The following CEBPZ variants were observed in gnomAD, a reference collection of about 807,000 sequenced individuals.
CEBPZ encodes the protein CCAAT enhancer binding protein zeta, also known as CCAAT/enhancer-binding protein zeta.
Under a neutral mutation model 104.5 loss-of-function variants are expected in CEBPZ, and 78 were observed. The observed-to-expected ratio is 0.75, with a 90% CI of 0.62 to 0.90. The LOEUF (loss-of-function observed/expected upper bound fraction) is 0.90. CEBPZ is among the 40% of genes least tolerant of loss of function. CEBPZ has a pLI of 0.00. For missense variants in CEBPZ, 1,439 were observed against 1,233.5 expected, an observed-to-expected ratio of 1.17 and a Z score of -2.50; for synonymous variants, 470 against 427.0, an observed-to-expected ratio of 1.10 and a Z score of -1.24.
chr2:37,218,459 T>G (rs536213421), intron 5 of CEBPZ, among the ~76,000 whole-genome samples: 38 of 152,316 alleles, frequency 2.5e-4, no homozygotes, highest in African/African-American at 9.1e-4. Flanking sequence ...AAATAGTCTT[T>G]CACATAGCTG....
rs137992964 is a variant in CEBPZ, at chr2:37,218,824, A to G, written c.2154+1561T>C. Reference sequence around the variant, plus strand: ...GAGGTAGAGGTTGCAGTGAGCCGAGATCGCGCCACTGCATTCCAGTATGGG... The same window carrying G: ...GAGGTAGAGGTTGCAGTGAGCCGAGGTCGCGCCACTGCATTCCAGTATGGG... On this transcript the variant is annotated intron_variant, in intron 5 of 15. Transcript: ENST00000234170. Among the ~76,000 whole-genome samples, 326 of 152,344 alleles carry G rather than the reference A, an allele frequency of 2.1e-3. 2 individuals are homozygous for G. The highest frequency in any genetic ancestry group is 0.014 in the Middle Eastern group (4 of 292).
At chr2:37,211,328 A>G in intron 12 of CEBPZ, 1 of 337,900 alleles carries the variant, frequency 3.0e-6, no homozygotes, top group Non-Finnish European at 5.3e-6. Flanking sequence ...AAGACCAAAT[A>G]ATATAAAACC....
At chr2:37,231,363 T>C (rs751609808) in intron 1 of CEBPZ, 49 bp downstream of exon 1, 9 of 1,611,070 alleles carry the variant, frequency 5.6e-6, no homozygotes, top group Non-Finnish European at 7.6e-6. Context: ...CTAGCCACCT[T>C]CGGAACTCTC....
At chr2:37,208,410 ACCAACT>A (rs1677609720) in intron 13 of CEBPZ, among the ~76,000 whole-genome samples, 1 of 152,196 alleles carries the variant, frequency 6.6e-6, no homozygotes, top group African/African-American at 2.4e-5. Context: ...ATACTAGCTA[ACCAACT>A]CCAACAGCAT....
rs1460654076 is a variant in CEBPZ at position 37,217,001 on chromosome 2, C to A, written c.2191G>T (p.Ala731Ser). The A allele has an allele frequency of 2.5e-6, 4 of 1,612,254 alleles. No homozygotes were observed. The African/African-American group carries it at 5.4e-5, about 22-fold the overall frequency. ...VHFHPSVALFAKTILQGNYIQ... is the reference protein window; with the variant it reads ...VHFHPSVALFSKTILQGNYIQ... ...AGACTCACCTGAAGGATGGTCTTTG[C>A]AAAAAGGGCCACGGAGGGATGAAAA... The change falls in exon 6 of 16, where the codon GCA becomes TCA. Residue 731 changes from alanine (A) to serine (S), a missense_variant. Ala to Ser is a moderately conservative substitution (Grantham distance 99). Coordinates refer to ENST00000234170, the MANE Select transcript of CEBPZ (RefSeq NM_005760.3).
chr2:37,228,839 T>C lies in CEBPZ; in HGVS notation c.354A>G (p.Val118=). 6.2e-7 allele frequency: 1 copy of C among 1,601,788 alleles called. No individual in the cohort carries two copies. The highest frequency in any genetic ancestry group is 8.5e-7 in the Non-Finnish European group (1 of 1,176,424). ...TTTTATTATTTATTTTAGGTATTTT[T>C]ACTTCTTTTTTGCTGGAATTTTCTT... ...AEKENSSKKE[V]KIPKINNKNT... Residue 118 remains valine, a synonymous_variant, in exon 2 of 16, where the codon GTA becomes GTG. Transcript: ENST00000234170.
Position 37,218,266 on chromosome 2 carries a change from C to CA in CEBPZ, c.2155-1230dup, listed in dbSNP as rs554080294. Among the ~76,000 whole-genome samples, 206 of 130,266 alleles carry CA rather than the reference C, an allele frequency of 1.6e-3. 2 individuals carry two copies. In the Middle Eastern group the frequency reaches 0.016, roughly 10 times the overall value. 85.5% of individuals were successfully genotyped at this position (130,266 alleles called of 152,430 possible). On this transcript the variant is annotated intron_variant, in intron 5 of 15. Coordinates refer to ENST00000234170, the MANE Select transcript of CEBPZ (RefSeq NM_005760.3). ...TGGGCGACAGAGCAAGACTCTGCCT[C>CA]AAAAAAAAAAAGAAAAAAGAAAAAA...
At chr2:37,212,245 T>G in intron 11 of CEBPZ, 90 bp downstream of exon 11, 1 of 1,201,302 alleles carries the variant, frequency 8.3e-7, no homozygotes, top group Non-Finnish European at 1.2e-6. Context: ...CATTTCCCCT[T>G]TATCATATAG....
chr2:37,217,770 C>T (rs530738614), intron 5 of CEBPZ, among the ~76,000 whole-genome samples: 4 of 150,072 alleles, frequency 2.7e-5, no homozygotes, highest in African/African-American at 7.4e-5. Flanking sequence ...GGCGTGGTGG[C>T]GGGTGCCTGT....
Position 37,227,975 on chromosome 2 carries a change from T to C in CEBPZ, c.1218A>G (p.Leu406=), listed in dbSNP as rs1664932134. ...TGGGATGTTTACAAAGTAATGTCTC[T>C]AACAGATGGGATGCTTTTGTGGCAA... The part of the protein sequence containing the change: ...NRIATKASHL[L]ETLLCKHPNM... Residue 406 remains leucine, a synonymous_variant, in exon 2 of 16, where the codon TTA becomes TTG. Transcript: ENST00000234170. The C allele has an allele frequency of 1.9e-6, 3 of 1,614,062 alleles. No homozygotes were observed. The highest frequency in any genetic ancestry group is 1.3e-5 in the African/African-American group (1 of 74,924).
chr2:37,204,851 A>G (rs568255673), intron 13 of CEBPZ: 1 of 152,260 alleles, frequency 6.6e-6, no homozygotes. Flanking sequence ...CTTCTGAAAC[A>G]GTACTTTACT....
At chr2:37,207,509 A>G in intron 13 of CEBPZ, among the ~76,000 whole-genome samples, 1 of 152,204 alleles carries the variant, frequency 6.6e-6, no homozygotes, top group Non-Finnish European at 1.5e-5. Flanking sequence ...AACCCTCAAA[A>G]CTATATACAA....
At position 37,227,916 on chromosome 2, in the gene CEBPZ, C is replaced by G. The variant is rs1664930383; in HGVS notation, c.1277G>C (p.Arg426Thr). ...MKGVVSGEVE[R>T]LLFRSNISSK... ...GCTGATATTTGAGCGGAAGAGTAGC[C>G]TTTCTACTTCACCAGACACAACTCC... The change falls in exon 2 of 16, where the codon AGG becomes ACG. Residue 426 changes from arginine to threonine, a missense_variant. By Grantham distance (71) the Arg-to-Thr change is moderately conservative. Transcript: ENST00000234170. The G allele has an allele frequency of 3.1e-6, 5 of 1,614,164 alleles. No individual in the cohort carries two copies. The highest frequency in any genetic ancestry group is 4.2e-6 in the Non-Finnish European group (5 of 1,180,030).
At position 37,201,794 on chromosome 2, in the gene CEBPZ, G is replaced by T. The variant is rs1258687646; in HGVS notation, c.3135C>A (p.Thr1045=). Residue 1045 remains threonine, a synonymous_variant, in exon 16 of 16, where the codon ACC becomes ACA. Transcript: ENST00000234170. ...TCCTTTGTTTTTTAGTTTTTTGAGT[G>T]GTTTTAATCCTCTTCTTTTTAAAAT... ...KKHFKKKRIK[T]TQKTKKQRK is the part of the protein sequence containing the mutation. 1 of 1,525,646 alleles carries T rather than the reference G, an allele frequency of 6.6e-7. No individual in the cohort carries two copies. The highest frequency in any genetic ancestry group is 1.1e-5 in the South Asian group (1 of 88,994). The allele number at this position is 1,525,646 out of a possible 1,614,324, so 94.5% of individuals were successfully genotyped here. A position where few individuals can be genotyped will look rare whatever the true frequency, so the allele number is the denominator to read the frequency against.
At chr2:37,223,459 G>A (rs1391792550) in intron 2 of CEBPZ, 58 bp from the exon 3 acceptor site, 3 of 1,440,128 alleles carry the variant, frequency 2.1e-6, no homozygotes, top group African/African-American at 1.4e-5. Context: ...ACAACCAATG[G>A]TCACATATTA....
At chr2:37,220,529 G>A (rs1047602898) in intron 4 of CEBPZ, 56 bp from the exon 5 acceptor site, 1 of 861,418 alleles carries the variant, frequency 1.2e-6, no homozygotes, top group African/African-American at 1.7e-5. Flanking sequence ...AGCCCAAGAG[G>A]TCATTAAAAG....
intron 13 of CEBPZ, among the ~76,000 whole-genome samples, chr2:37,207,259 A>G (rs1215742251): frequency 6.6e-6 from 1 of 152,246 alleles, no homozygotes; most frequent in Non-Finnish European, 1.5e-5. Context: ...ACAGAAAGTC[A>G]ACAAAGAAAC....
At chr2:37,227,424 G>A (rs1664913560) in intron 2 of CEBPZ, 120 bp downstream of exon 2, 2 of 865,536 alleles carry the variant, frequency 2.3e-6, no homozygotes, top group African/African-American at 1.7e-5. Context: ...GTAGCAAGCT[G>A]CTGAGGGGGC....
intron 13 of CEBPZ, among the ~76,000 whole-genome samples, chr2:37,206,975 G>T (rs1677560295): frequency 6.6e-6 from 1 of 152,016 alleles, no homozygotes; most frequent in Non-Finnish European, 1.5e-5. Context: ...CCATGCAAAT[G>T]GAAACCAAAA....
Sources: allele counts gnomAD v4.1 joint callset (sites outside exome capture counted in the v4.1 genomes callset), GRCh38; gene constraint gnomAD v4.1.1; transcripts MANE v1.5; gene names NCBI Gene and HGNC (gene_info 2026-07-23, HGNC 2026-07-21).